The following ATG10 variants were observed in gnomAD, a reference collection of about 807,000 sequenced individuals.
ATG10 encodes autophagy related 10, also known as ubiquitin-like-conjugating enzyme ATG10.
Under a neutral mutation model 32.1 loss-of-function variants are expected in ATG10, and 30 were observed. That is an observed-to-expected ratio of 0.94 (90% CI 0.70 to 1.27). The LOEUF (loss-of-function observed/expected upper bound fraction) is 1.27. ATG10 is among the 50% of genes most tolerant of loss of function. The pLI is 0.00. For synonymous variants in ATG10, 87 were observed against 91.5 expected, an observed-to-expected ratio of 0.95 and a Z score of 0.28; for missense variants, 233 against 262.3, an observed-to-expected ratio of 0.89 and a Z score of 0.77.
intron 2 of ATG10, among the ~76,000 whole-genome samples, chr5:81,993,860 T>C (rs1423152306): frequency 2.0e-5 from 3 of 152,212 alleles, no homozygotes; most frequent in Non-Finnish European, 4.4e-5. Context: ...TCTGTAAAAG[T>C]GTATTTAGCA....
chr5:82,202,255 A>T (rs1023301961), intron 5 of ATG10, among the ~76,000 whole-genome samples: 1 of 152,178 alleles, frequency 6.6e-6, no homozygotes, highest in Non-Finnish European at 1.5e-5. Flanking sequence ...CTCTGAAGGT[A>T]TTTTTAAAAT....
chr5:82,206,202 A>G (rs1745287213), intron 5 of ATG10, among the ~76,000 whole-genome samples: 1 of 152,216 alleles, frequency 6.6e-6, no homozygotes, highest in Non-Finnish European at 1.5e-5. Context: ...ATGTAAAGTC[A>G]TCTTGGATAA....
At chr5:82,122,105 G>A (rs1766067311) in intron 3 of ATG10, among the ~76,000 whole-genome samples, 1 of 152,052 alleles carries the variant, frequency 6.6e-6, no homozygotes, top group African/African-American at 2.4e-5. Context: ...TTGGCTGTGT[G>A]AATTCATCTG....
intron 5 of ATG10, among the ~76,000 whole-genome samples, chr5:82,181,128 G>A (rs746448228): frequency 1.3e-5 from 2 of 152,140 alleles, no homozygotes; most frequent in Non-Finnish European, 2.9e-5. Flanking sequence ...ATCACAACAA[G>A]CATTACTATT....
At chr5:81,995,194 G>T (rs570815627) in intron 2 of ATG10, among the ~76,000 whole-genome samples, 40 of 152,220 alleles carry the variant, frequency 2.6e-4, no homozygotes, top group African/African-American at 8.4e-4. Flanking sequence ...ACAGTGGCAC[G>T]ATCTCGACTC....
chr5:82,192,096 G>C (rs568752333), intron 5 of ATG10, among the ~76,000 whole-genome samples: 1 of 152,306 alleles, frequency 6.6e-6, no homozygotes, highest in South Asian at 2.1e-4. Flanking sequence ...GGTTGTCTAC[G>C]TGACCTTCAC....
At chr5:82,235,175 CTTCTT>C (rs1400813515) in intron 5 of ATG10, among the ~76,000 whole-genome samples, 2 of 152,234 alleles carry the variant, frequency 1.3e-5, no homozygotes, top group Admixed American at 6.5e-5. Context: ...TTATGACTCT[CTTCTT>C]TCCTTTCCTC....
In ATG10 at chr5:82,009,689, G is replaced by A. The variant is rs73768605; in HGVS notation, c.108+22011G>A. 4.4e-3 allele frequency: 6,956 copies of A among 1,583,278 alleles called. 246 individuals are homozygous for A. In the African/African-American group the frequency reaches 0.078, roughly 18 times the overall value. ...ACTCCATGACCTCCACAATATTCATGCCTTCTTTCACTTTGCCACAGATCA... is the reference window on the plus strand; with the variant it reads ...ACTCCATGACCTCCACAATATTCATACCTTCTTTCACTTTGCCACAGATCA... On this transcript the variant is annotated intron_variant, in intron 2 of 7. Coordinates refer to ENST00000282185, the MANE Select transcript of ATG10 (RefSeq NM_031482.5).
At chr5:82,144,588 T>C (rs1767273863) in intron 3 of ATG10, among the ~76,000 whole-genome samples, 1 of 151,810 alleles carries the variant, frequency 6.6e-6, no homozygotes, top group Admixed American at 6.5e-5. Flanking sequence ...TAGAAGTATA[T>C]TGTTTTATTT....
rs769083585 is a variant in ATG10, at chr5:82,164,389, T to C, written c.217-10T>C. On this transcript the variant is annotated splice_polypyrimidine_tract_variant and intron_variant, in intron 3 of 7. Coordinates refer to ENST00000282185, the MANE Select transcript of ATG10 (RefSeq NM_031482.5). Reference sequence around the variant, plus strand: ...AAACCCGTTTTCGTTTTGTTTTTGCTTTTTTTTAGGAGGCTTTCGAGCTAC... The same window carrying C: ...AAACCCGTTTTCGTTTTGTTTTTGCCTTTTTTTAGGAGGCTTTCGAGCTAC... 45 of 1,604,834 alleles carry C rather than the reference T, an allele frequency of 2.8e-5. No homozygotes were observed. The highest frequency in any genetic ancestry group is 3.2e-5 in the Non-Finnish European group (38 of 1,174,950).
chr5:82,031,372 C>A (rs953218685), intron 2 of ATG10, among the ~76,000 whole-genome samples: 1 of 152,076 alleles, frequency 6.6e-6, no homozygotes, highest in African/African-American at 2.4e-5. Flanking sequence ...GTATCCAGAG[C>A]AACACACATA....
chr5:82,123,764 C>CAAAA lies in ATG10; in HGVS notation c.217-40616_217-40613dup, dbSNP rs1178883742. On this transcript the variant is annotated intron_variant, in intron 3 of 7. Transcript: ENST00000282185. Reference sequence around the variant, plus strand: ...GCAACACAGGGAGACACTGTCTGTACAAAAAAAAAAAAAAAAAAAAAATTA... The same window carrying CAAAA: ...GCAACACAGGGAGACACTGTCTGTACAAAAAAAAAAAAAAAAAAAAAAAAAATTA... Among the ~76,000 whole-genome samples the CAAAA allele has an allele frequency of 1.2e-3, 67 of 56,762 alleles. 2 individuals carry two copies. Among genetic ancestry groups the CAAAA allele is most frequent in the South Asian group, 0.01 (13 of 1,300 alleles). The allele number at this position is 56,762 out of a possible 152,430, so 37.2% of individuals were successfully genotyped here.
At chr5:82,001,537 C>G (rs1761848880) in intron 2 of ATG10, among the ~76,000 whole-genome samples, 1 of 152,026 alleles carries the variant, frequency 6.6e-6, no homozygotes, top group Non-Finnish European at 1.5e-5. Context: ...TTGACAAAAA[C>G]AAGCAATAGG....
At chr5:82,243,150 TA>T (rs1375566324) in intron 5 of ATG10, among the ~76,000 whole-genome samples, 1 of 152,044 alleles carries the variant, frequency 6.6e-6, no homozygotes, top group African/African-American at 2.4e-5. Context: ...AGGAATGTAT[TA>T]ATAGTATGTA....
intron 5 of ATG10, among the ~76,000 whole-genome samples, chr5:82,215,578 C>T (rs1032638950): frequency 1.3e-5 from 2 of 152,050 alleles, no homozygotes; most frequent in Non-Finnish European, 2.9e-5. Context: ...GAAACATCAG[C>T]TCATTTTGTC....
chr5:82,015,088 C>G (rs953036245), intron 2 of ATG10, among the ~76,000 whole-genome samples: 2 of 152,146 alleles, frequency 1.3e-5, no homozygotes, highest in African/African-American at 4.8e-5. Flanking sequence ...ACTTATGAAG[C>G]TTAGTTTGGC....
chr5:82,021,182 T>C (rs1050015540), intron 2 of ATG10, among the ~76,000 whole-genome samples: 4 of 152,058 alleles, frequency 2.6e-5, no homozygotes, highest in African/African-American at 9.7e-5. Context: ...ATTTGTTGTA[T>C]CAGAAAAAAG....
chr5:82,201,324 T>C (rs925421492), intron 5 of ATG10, among the ~76,000 whole-genome samples: 3 of 152,256 alleles, frequency 2.0e-5, no homozygotes, highest in African/African-American at 7.2e-5. Flanking sequence ...TATTTTGATT[T>C]AATTTTTATG....
intron 3 of ATG10, among the ~76,000 whole-genome samples, chr5:82,141,398 G>A (rs1767130152): frequency 6.6e-6 from 1 of 151,906 alleles, no homozygotes; most frequent in African/African-American, 2.4e-5. Flanking sequence ...TTACTTTTTG[G>A]GGTTTATCTT....
Sources: allele counts gnomAD v4.1 joint callset (sites outside exome capture counted in the v4.1 genomes callset), GRCh38; gene constraint gnomAD v4.1.1; transcripts MANE v1.5; gene names NCBI Gene and HGNC (gene_info 2026-07-23, HGNC 2026-07-21).